The following OPCML variants were observed in gnomAD, a reference collection of about 807,000 sequenced individuals.
The protein encoded by OPCML is opioid-binding protein/cell adhesion molecule.
Under a neutral mutation model 37.8 loss-of-function variants are expected in OPCML, and 13 were observed. The ratio of observed to expected loss-of-function variants is 0.34; its 90% CI spans 0.22 to 0.55. The LOEUF is 0.55. OPCML is among the 20% of genes least tolerant of loss of function. OPCML has a pLI of 0.91. For missense variants in OPCML, 341 were observed against 435.6 expected (o/e 0.78, Z 1.93); for synonymous variants, 176 against 168.8 (o/e 1.04, Z -0.33).
chr11:132,701,830 A>G (rs919818878), intron 2 of OPCML, among the ~76,000 whole-genome samples: 2 of 90,870 alleles, frequency 2.2e-5, no homozygotes, highest in African/African-American at 8.2e-5. Flanking sequence ...TTTTTTTTTT[A>G]TCTTTTGTGT....
At chr11:132,699,674 C>G (rs1051305949) in intron 2 of OPCML, among the ~76,000 whole-genome samples, 3 of 151,994 alleles carry the variant, frequency 2.0e-5, no homozygotes, top group Non-Finnish European at 2.9e-5. Context: ...GTTGAACCAT[C>G]CTTGCATGTT....
At chr11:133,337,417 C>T (rs76717242) in intron 1 of OPCML, among the ~76,000 whole-genome samples, 3,764 of 152,284 alleles carry the variant, frequency 0.025, 92 homozygotes, top group Non-Finnish European at 0.037. Context: ...CCTGGGGAAC[C>T]ACGGACTTCC....
intron 2 of OPCML, among the ~76,000 whole-genome samples, chr11:132,856,815 C>T (rs555920927): frequency 1.3e-5 from 2 of 152,140 alleles, no homozygotes; most frequent in Non-Finnish European, 2.9e-5. Flanking sequence ...GACACAAATC[C>T]GGAAGCATGC....
chr11:132,686,957 C>T (rs1212354028), intron 2 of OPCML, among the ~76,000 whole-genome samples: 4 of 152,052 alleles, frequency 2.6e-5, no homozygotes, highest in Admixed American at 6.5e-5. Flanking sequence ...AGATAGACAC[C>T]CCTTCTGGAC....
chr11:132,950,885 G>T (rs967148804), intron 1 of OPCML, among the ~76,000 whole-genome samples: 5 of 152,174 alleles, frequency 3.3e-5, no homozygotes, highest in African/African-American at 7.2e-5. Context: ...AGGCCATGAA[G>T]TTATCACTGT....
At position 132,415,974 on chromosome 11, in the gene OPCML, G is replaced by A. The variant is rs182235237; in HGVS notation, c.*4219C>T. ...TACACACCTGTGAAGTTTTACTCAA[G>A]TGCTCAAACTTATTTGTCTTCAAGT... is the stretch of plus-strand genomic sequence containing the variant. On this transcript the variant is annotated 3_prime_UTR_variant, in exon 8 of 8. Transcript: ENST00000524381. 1.3e-5 allele frequency: 2 copies of A among 152,656 alleles called. No homozygotes were observed. The highest frequency in any genetic ancestry group is 1.3e-4 in the Admixed American group (2 of 15,304). The allele number at this position is 152,656 out of a possible 1,614,324, so 9.5% of individuals were successfully genotyped here. A position where few individuals can be genotyped will look rare whatever the true frequency, so the allele number is the denominator to read the frequency against.
At chr11:133,286,262 A>G (rs986649844) in intron 1 of OPCML, among the ~76,000 whole-genome samples, 65 of 152,178 alleles carry the variant, frequency 4.3e-4, no homozygotes, top group Middle Eastern at 3.4e-3. Flanking sequence ...CATCCTGGCT[A>G]ACACAGTGAA....
chr11:133,045,755 C>A (rs186669440), intron 1 of OPCML, among the ~76,000 whole-genome samples: 83 of 152,362 alleles, frequency 5.4e-4, no homozygotes, highest in African/African-American at 6.7e-4. Flanking sequence ...TTACTCAGGA[C>A]TTCTCTAAAT....
At chr11:132,559,250 G>A (rs1443320537) in intron 3 of OPCML, among the ~76,000 whole-genome samples, 1 of 151,992 alleles carries the variant, frequency 6.6e-6, no homozygotes, top group Non-Finnish European at 1.5e-5. Flanking sequence ...AATCTATCTT[G>A]GGCCCTTAAA....
At chr11:133,040,860 A>G (rs1947879570) in intron 1 of OPCML, among the ~76,000 whole-genome samples, 1 of 152,112 alleles carries the variant, frequency 6.6e-6, no homozygotes, top group Non-Finnish European at 1.5e-5. Context: ...ACACTCGGAG[A>G]AGTGGTTTGT....
rs1406725998 is a variant in OPCML, at chr11:132,452,563, T to G, written c.506-15204A>C. Among the ~76,000 whole-genome samples the G allele has an allele frequency of 2.8e-4, 42 of 150,262 alleles. No individual in the cohort carries two copies. In the South Asian group the frequency reaches 9.0e-3, roughly 32 times the overall value. ...TGCCTGCCTGCCTTCCTTTTTTCCT[T>G]CCTTCCTGCCTGCCTTCCTACTTTC... On this transcript the variant is annotated intron_variant, in intron 4 of 7. Coordinates refer to ENST00000524381, the MANE Select transcript of OPCML (RefSeq NM_001012393.5).
intron 1 of OPCML, among the ~76,000 whole-genome samples, chr11:133,060,794 C>T (rs888478599): frequency 1.3e-5 from 2 of 152,246 alleles, no homozygotes; most frequent in African/African-American, 4.8e-5. Flanking sequence ...CTAAACACTG[C>T]TGACTGGGCA....
At chr11:132,708,454 C>A (rs576065438) in intron 2 of OPCML, among the ~76,000 whole-genome samples, 1 of 152,164 alleles carries the variant, frequency 6.6e-6, no homozygotes, top group Non-Finnish European at 1.5e-5. Context: ...ATGTGGAGAT[C>A]TTTCTAGTTA....
intron 1 of OPCML, among the ~76,000 whole-genome samples, chr11:133,510,215 G>T (rs544323761): frequency 6.6e-6 from 1 of 152,252 alleles, no homozygotes; most frequent in East Asian, 1.9e-4. Context: ...TTCAAGTCTC[G>T]CCATCACAGG....
chr11:133,247,369 A>G (rs1309344962), intron 1 of OPCML, among the ~76,000 whole-genome samples: 1 of 152,142 alleles, frequency 6.6e-6, no homozygotes, highest in Non-Finnish European at 1.5e-5. Flanking sequence ...TATCCTAGGA[A>G]CTAGGGTTAA....
chr11:133,359,269 A>G (rs1014709542), intron 1 of OPCML, among the ~76,000 whole-genome samples: 1 of 152,144 alleles, frequency 6.6e-6, no homozygotes, highest in Non-Finnish European at 1.5e-5. Context: ...AGCCGTACTC[A>G]TCAATGTCTA....
intron 1 of OPCML, among the ~76,000 whole-genome samples, chr11:133,485,579 C>G (rs1393638075): frequency 6.6e-6 from 1 of 152,174 alleles, no homozygotes; most frequent in Non-Finnish European, 1.5e-5. Flanking sequence ...ATACCCATAA[C>G]ATTACAAGCA....
rs144248362 is a variant in OPCML at position 133,058,846 on chromosome 11, G to C, written c.62-115836C>G. Among the ~76,000 whole-genome samples the C allele has an allele frequency of 2.8e-3, 421 of 152,346 alleles. 3 individuals carry two copies. The highest frequency in any genetic ancestry group is 4.3e-3 in the Non-Finnish European group (292 of 68,040). The stretch of plus-strand genomic sequence containing the variant: ...AAGATGACTTTACAGTCAATAGATA[G>C]AAGTAACTTGCTCTTCAGGAGAAAA... On this transcript the variant is annotated intron_variant, in intron 1 of 7. Coordinates refer to ENST00000524381, the MANE Select transcript of OPCML (RefSeq NM_001012393.5).
chr11:132,864,064 A>C (rs1039279611), intron 2 of OPCML, among the ~76,000 whole-genome samples: 10 of 152,010 alleles, frequency 6.6e-5, no homozygotes, highest in African/African-American at 2.4e-4. Context: ...CAGCTTCCCG[A>C]GTAGCTGGGA....
Sources: allele counts gnomAD v4.1 joint callset (sites outside exome capture counted in the v4.1 genomes callset), GRCh38; gene constraint gnomAD v4.1.1; transcripts MANE v1.5; gene names NCBI Gene and HGNC (gene_info 2026-07-23, HGNC 2026-07-21).